Variants in TEX9 observed in about 807,000 individuals in gnomAD.
The protein encoded by TEX9 is testis-expressed protein 9.
TEX9 carries 74 observed loss-of-function variants against 59.6 expected under a neutral mutation model. The ratio of observed to expected loss-of-function variants is 1.24; its 90% CI spans 1.03 to 1.51. The LOEUF (loss-of-function observed/expected upper bound fraction) is 1.51. TEX9 is among the 40% of genes most tolerant of loss of function. The pLI is 0.00. For missense variants in TEX9, 522 were observed against 447.8 expected (o/e 1.17, Z -1.49); for synonymous variants, 186 against 152.2 (o/e 1.22, Z -1.64).
chr15:56,356,208 T>G (rs1246044777), intron 1 of TEX9, among the ~76,000 whole-genome samples: 1 of 152,260 alleles, frequency 6.6e-6, no homozygotes, highest in East Asian at 1.9e-4. Flanking sequence ...GTCTTGTTTC[T>G]GACATTAAGA....
At chr15:56,379,081 A>G (rs1426423641) in intron 3 of TEX9, among the ~76,000 whole-genome samples, 4 of 130,324 alleles carry the variant, frequency 3.1e-5, no homozygotes, top group South Asian at 2.1e-4. Flanking sequence ...CAAAAAAAAA[A>G]AAAGAAAGAA....
At chr15:56,328,749 C>A (rs563421163) in intron 1 of TEX9, among the ~76,000 whole-genome samples, 6 of 152,220 alleles carry the variant, frequency 3.9e-5, no homozygotes, top group African/African-American at 1.4e-4. Context: ...GGTTTGAGTG[C>A]CAGCTCAGCA....
At chr15:56,326,864 A>T (rs2141735830) in intron 1 of TEX9, among the ~76,000 whole-genome samples, 1 of 152,286 alleles carries the variant, frequency 6.6e-6, no homozygotes, top group South Asian at 2.1e-4. Context: ...TAGAAGTTGG[A>T]TGGAGTATTG....
chr15:56,353,526 T>C (rs2141885714), intron 1 of TEX9, among the ~76,000 whole-genome samples: 1 of 152,320 alleles, frequency 6.6e-6, no homozygotes, highest in East Asian at 1.9e-4. Flanking sequence ...TAGCTTCTTT[T>C]AAGGTTACAT....
intron 1 of TEX9, among the ~76,000 whole-genome samples, chr15:56,322,483 A>G (rs1003331946): frequency 6.6e-6 from 1 of 152,134 alleles, no homozygotes; most frequent in East Asian, 1.9e-4. Flanking sequence ...GCTTTTTTCT[A>G]CTGCCCAACC....
intron 4 of TEX9, among the ~76,000 whole-genome samples, chr15:56,384,947 A>G (rs1383313992): frequency 2.0e-5 from 3 of 151,954 alleles, no homozygotes; most frequent in Non-Finnish European, 2.9e-5. Context: ...AGTCACAAAG[A>G]TTTACGACCA....
At position 56,412,409 on chromosome 15, in the gene TEX9, G is replaced by T. The variant is rs375699449; in HGVS notation, c.936G>T (p.Glu312Asp). 46 of 1,611,452 alleles carry T rather than the reference G, an allele frequency of 2.9e-5. No homozygotes were observed. Among genetic ancestry groups the T allele is most frequent in the Non-Finnish European group, 3.5e-5 (41 of 1,179,188 alleles). Residue 312 changes from glutamate (E) to aspartate (D), a missense_variant, in exon 10 of 13, where the codon GAG becomes GAT. Physicochemically the swap from Glu to Asp is conservative, Grantham distance 45 (BLOSUM62 2). Transcript: ENST00000352903. ...AAGAAGCAGAAAAGTATAAACTGGA[G>T]TTAAGTAAATTAAGGCAAAATAACA...
chr15:56,380,989 T>C (rs963078585), intron 3 of TEX9, among the ~76,000 whole-genome samples: 2 of 152,214 alleles, frequency 1.3e-5, no homozygotes, highest in African/African-American at 4.8e-5. Context: ...TTCTCTGATA[T>C]TATCCCTTCG....
chr15:56,436,682 A>G (rs1307053594), intron 12 of TEX9, among the ~76,000 whole-genome samples: 7 of 152,168 alleles, frequency 4.6e-5, no homozygotes, highest in Admixed American at 2.6e-4. Flanking sequence ...GTTTTCTGAG[A>G]AGATCAACAA....
intron 12 of TEX9, chr15:56,429,391 C>T (rs2050493623): frequency 9.0e-6 from 4 of 442,134 alleles, no homozygotes; most frequent in Non-Finnish European, 1.6e-5. Flanking sequence ...CCTAGACTGA[C>T]CCAATTTTCT....
chr15:56,427,632 A>T (rs774796874), exon 11 of TEX9: 4 of 1,545,478 alleles, frequency 2.6e-6, no homozygotes, highest in Non-Finnish European at 3.5e-6. Context: ...ACACAAAAAA[A>T]TTGAAGTGTT....
chr15:56,352,647 C>A (rs1171532332), intron 1 of TEX9, among the ~76,000 whole-genome samples: 1 of 152,068 alleles, frequency 6.6e-6, no homozygotes, highest in Admixed American at 6.6e-5. Context: ...TGGCTGATGG[C>A]ACTTCTGTTC....
intron 1 of TEX9, among the ~76,000 whole-genome samples, chr15:56,285,953 T>A (rs1052920443): frequency 8.5e-5 from 13 of 152,146 alleles, no homozygotes; most frequent in African/African-American, 3.1e-4. Context: ...GTTTGAAAAG[T>A]TTAGTGGCAG....
At chr15:56,319,107 A>T (rs1012894856) in intron 1 of TEX9, among the ~76,000 whole-genome samples, 3 of 152,058 alleles carry the variant, frequency 2.0e-5, no homozygotes, top group African/African-American at 7.2e-5. Context: ...TTCACAAGTG[A>T]AATTTTAAAA....
At chr15:56,258,862 G>A (rs1250565484) in intron 1 of TEX9, among the ~76,000 whole-genome samples, 3 of 150,104 alleles carry the variant, frequency 2.0e-5, no homozygotes, top group African/African-American at 7.3e-5. Context: ...TTTAGATATT[G>A]TAGATATGTT....
chr15:56,344,809 T>A (rs72740574), intron 1 of TEX9, among the ~76,000 whole-genome samples: 10,573 of 152,030 alleles, frequency 0.07, 460 homozygotes, highest in Non-Finnish European at 0.1. Flanking sequence ...TTTCTTCTTT[T>A]TTTAAAAAAT....
intron 9 of TEX9, chr15:56,398,313 G>A (rs1426208553): frequency 6.9e-6 from 1 of 144,670 alleles, no homozygotes; most frequent in Admixed American, 7.0e-5. Context: ...AGTGAAATAT[G>A]TTATTAAAAT....
intron 6 of TEX9, 43 bp downstream of exon 6, chr15:56,389,443 T>A: frequency 7.6e-7 from 1 of 1,323,702 alleles, no homozygotes; most frequent in Middle Eastern, 2.3e-4. Context: ...TTTAGTTTTG[T>A]AATTCACAAT....
At chr15:56,434,192 C>T (rs2050676207) in intron 12 of TEX9, 1 of 1,613,884 alleles carries the variant, frequency 6.2e-7, no homozygotes, top group African/African-American at 1.3e-5. Flanking sequence ...CCACAGCCCT[C>T]CTGTGTTCCA....
Sources: allele counts gnomAD v4.1 joint callset (sites outside exome capture counted in the v4.1 genomes callset), GRCh38; gene constraint gnomAD v4.1.1; transcripts MANE v1.5; gene names NCBI Gene and HGNC (gene_info 2026-07-23, HGNC 2026-07-21).